Variants in HMGN3 observed in about 807,000 individuals in gnomAD.
HMGN3 encodes the protein high mobility group nucleosomal binding domain 3.
A neutral mutation model predicts 18.8 loss-of-function variants in HMGN3; 6 were observed. The observed-to-expected ratio is 0.32, with a 90% CI of 0.18 to 0.63. The LOEUF is 0.63. HMGN3 is among the 30% of genes least tolerant of loss of function. The probability of loss-of-function intolerance (pLI) is 0.79; values close to 1 mark genes in which losing one functional copy is unlikely to be tolerated. For missense variants in HMGN3, 107 were observed against 114.2 expected, an observed-to-expected ratio of 0.94 and a Z score of 0.29; for synonymous variants, 40 against 36.5, an observed-to-expected ratio of 1.10 and a Z score of -0.35.
chr6:79,227,445 C>T (rs1328295610), intron 1 of HMGN3, among the ~76,000 whole-genome samples: 1 of 152,182 alleles, frequency 6.6e-6, no homozygotes, highest in Non-Finnish European at 1.5e-5. Flanking sequence ...TATCATCCCA[C>T]AAAGTGGAGG....
chr6:79,205,714 AACAG>A (rs1326314020), intron 3 of HMGN3, among the ~76,000 whole-genome samples: 1 of 152,254 alleles, frequency 6.6e-6, no homozygotes, highest in Non-Finnish European at 1.5e-5. Context: ...AGAACTGGGT[AACAG>A]ACAGAGGTTG....
intron 2 of HMGN3, among the ~76,000 whole-genome samples, chr6:79,212,351 C>T (rs1776736047): frequency 6.6e-6 from 1 of 152,218 alleles, no homozygotes; most frequent in African/African-American, 2.4e-5. Context: ...AATAGCACTT[C>T]TCTGACATTC....
At chr6:79,212,908 T>C (rs1409454492) in intron 2 of HMGN3, among the ~76,000 whole-genome samples, 1 of 152,210 alleles carries the variant, frequency 6.6e-6, no homozygotes, top group African/African-American at 2.4e-5. Flanking sequence ...TTTCACTTTT[T>C]AAATAACTGT....
intron 1 of HMGN3, among the ~76,000 whole-genome samples, chr6:79,232,530 C>T (rs567398792): frequency 6.6e-6 from 1 of 152,048 alleles, no homozygotes; most frequent in Non-Finnish European, 1.5e-5. Context: ...GGACCATTGG[C>T]TAGCTTATGC....
At chr6:79,221,809 A>C (rs1267458249) in intron 1 of HMGN3, among the ~76,000 whole-genome samples, 5 of 150,322 alleles carry the variant, frequency 3.3e-5, no homozygotes, top group Admixed American at 3.3e-4. Context: ...ATGGAAGACA[A>C]GAAAGAGGAG....
intron 3 of HMGN3, among the ~76,000 whole-genome samples, chr6:79,205,335 T>C (rs1375983592): frequency 3.3e-5 from 5 of 152,212 alleles, no homozygotes; most frequent in Non-Finnish European, 7.3e-5. Flanking sequence ...CTCCCATGTG[T>C]CATGTGAGGA....
intron 1 of HMGN3, among the ~76,000 whole-genome samples, chr6:79,220,892 A>G (rs1486303887): frequency 6.6e-6 from 1 of 152,218 alleles, no homozygotes; most frequent in Non-Finnish European, 1.5e-5. Flanking sequence ...AGGAAAAAGG[A>G]ACCAAGGGGA....
intron 1 of HMGN3, 167 bp downstream of exon 1, chr6:79,234,379 C>G (rs201403568): frequency 1.6e-6 from 1 of 627,750 alleles, no homozygotes. Flanking sequence ...GTAGGGGGGA[C>G]AGAGAGAGGA....
chr6:79,210,803 C>T (rs1483416455), intron 2 of HMGN3, among the ~76,000 whole-genome samples: 3 of 151,968 alleles, frequency 2.0e-5, no homozygotes, highest in African/African-American at 2.4e-5. Flanking sequence ...TCCCCAGCTG[C>T]GACAATGTTG....
chr6:79,213,727 T>G (rs964205430), intron 2 of HMGN3, among the ~76,000 whole-genome samples: 7 of 152,236 alleles, frequency 4.6e-5, no homozygotes, highest in African/African-American at 1.7e-4. Flanking sequence ...TAGGTTCTGT[T>G]TAAGATTTTC....
intron 1 of HMGN3, among the ~76,000 whole-genome samples, chr6:79,221,745 G>A (rs1223393174): frequency 6.6e-6 from 1 of 152,208 alleles, no homozygotes; most frequent in African/African-American, 2.4e-5. Flanking sequence ...CACTGAGGGA[G>A]AGGCAGGAGG....
intron 3 of HMGN3, among the ~76,000 whole-genome samples, chr6:79,206,807 G>A (rs1776443836): frequency 6.6e-6 from 1 of 152,240 alleles, no homozygotes; most frequent in African/African-American, 2.4e-5. Flanking sequence ...GCCTGTGAAA[G>A]CAGCCAGGAG....
chr6:79,218,763 T>C (rs909186474), intron 1 of HMGN3, among the ~76,000 whole-genome samples: 2 of 152,326 alleles, frequency 1.3e-5, no homozygotes, highest in African/African-American at 4.8e-5. Flanking sequence ...GTAAATAATA[T>C]TTATTTAGAT....
exon 2 of HMGN3, chr6:79,215,021 G>A (rs754413164): frequency 1.1e-5 from 17 of 1,487,486 alleles, no homozygotes; most frequent in Non-Finnish European, 1.6e-5. Flanking sequence ...ATTCTCTGGA[G>A]ACTAGAAAGA....
intron 2 of HMGN3, among the ~76,000 whole-genome samples, chr6:79,210,283 A>G (rs1021453747): frequency 2.6e-5 from 4 of 152,116 alleles, no homozygotes; most frequent in African/African-American, 9.7e-5. Flanking sequence ...GCACCTTCCA[A>G]TTACCCAACA....
At chr6:79,201,677 T>C (rs1316155373) in exon 6 of HMGN3, 6 of 1,553,950 alleles carry the variant, frequency 3.9e-6, no homozygotes, top group Non-Finnish European at 5.3e-6. Context: ...ACCCCAATTT[T>C]TCATGACAAT....
chr6:79,219,505 G>GA (rs1020462625), intron 1 of HMGN3, among the ~76,000 whole-genome samples: 1 of 151,878 alleles, frequency 6.6e-6, no homozygotes, highest in Non-Finnish European at 1.5e-5. Flanking sequence ...AACTATGTAA[G>GA]AAAAAAATGT....
At chr6:79,211,927 C>A (rs1310201516) in intron 2 of HMGN3, among the ~76,000 whole-genome samples, 1 of 151,960 alleles carries the variant, frequency 6.6e-6, no homozygotes, top group Non-Finnish European at 1.5e-5. Context: ...CTGCTTGAAA[C>A]ACATGGACTA....
rs1582462422 is a variant in HMGN3 at position 79,234,666 on chromosome 6, C to T, written c.-106G>A. On this transcript the variant is annotated 5_prime_UTR_variant, in exon 1 of 6. Coordinates refer to ENST00000344726, the Ensembl canonical transcript of HMGN3. Reference sequence around the variant, plus strand: ...GCAGCTGCTCACGCGCAGGGCACGACGTAGCCCGGCCTCTTCGACCTGCAC... The same window carrying T: ...GCAGCTGCTCACGCGCAGGGCACGATGTAGCCCGGCCTCTTCGACCTGCAC... The T allele has an allele frequency of 6.2e-6, 7 of 1,136,900 alleles. No individual in the cohort carries two copies. The Middle Eastern group carries it at 6.0e-4, about 97-fold the overall frequency. 70.4% of individuals were successfully genotyped at this position (1,136,900 alleles called of 1,614,324 possible). A position where few individuals can be genotyped will look rare whatever the true frequency, so the allele number is the denominator to read the frequency against.
Sources: allele counts gnomAD v4.1 joint callset (sites outside exome capture counted in the v4.1 genomes callset), GRCh38; gene constraint gnomAD v4.1.1; transcripts MANE v1.5; gene names NCBI Gene and HGNC (gene_info 2026-07-23, HGNC 2026-07-21).